Variants in NPL observed in about 807,000 individuals in gnomAD.
The protein encoded by NPL is N-acetylneuraminate pyruvate lyase.
NPL carries 32 observed loss-of-function variants against 41.1 expected under a neutral mutation model. That is an observed-to-expected ratio of 0.78 (90% CI 0.59 to 1.05). NPL has a LOEUF of 1.05. Among genes scored for constraint, NPL ranks in the 50% least tolerant of loss-of-function variants. The probability of loss-of-function intolerance (pLI) is 0.00; values close to 1 mark genes in which losing one functional copy is unlikely to be tolerated. For missense variants in NPL, 321 were observed against 378.4 expected (o/e 0.85, Z 1.26); for synonymous variants, 128 against 134.9 (o/e 0.95, Z 0.35).
At chr1:182,820,770 C>T (rs1261451816) in intron 10 of NPL, among the ~76,000 whole-genome samples, 1 of 152,160 alleles carries the variant, frequency 6.6e-6, no homozygotes, top group East Asian at 1.9e-4. Context: ...TGTGTTAAAC[C>T]ATGAGAAACT....
At chr1:182,802,055 AT>A (rs1196550426) in intron 3 of NPL, among the ~76,000 whole-genome samples, 1 of 152,224 alleles carries the variant, frequency 6.6e-6, no homozygotes, top group East Asian at 1.9e-4. Context: ...TCAAAATATT[AT>A]GCAAGCGTGG....
At chr1:182,826,937 T>G (rs934699500) in intron 12 of NPL, 1 of 152,194 alleles carries the variant, frequency 6.6e-6, no homozygotes, top group African/African-American at 2.4e-5. Context: ...ATTTATAAAT[T>G]AGGCATAGTA....
At position 182,828,994 on chromosome 1, in the gene NPL, C is replaced by T; in HGVS notation, c.*86C>T. 1 of 1,597,848 alleles carries T rather than the reference C, an allele frequency of 6.3e-7. No homozygotes were observed. Among genetic ancestry groups the T allele is most frequent in the Non-Finnish European group, 8.5e-7 (1 of 1,177,218 alleles). ...TTTTTCTCAGGGAATTTTAGATGAA[C>T]TTGAATAAACTCTCCTAGCAAATGA... On this transcript the variant is annotated 3_prime_UTR_variant, in exon 13 of 13. Coordinates refer to ENST00000367553, the MANE Select transcript of NPL (RefSeq NM_030769.3). This position sits in a 1 kb window ranked among gnomAD's most constrained non-coding sequence, Gnocchi z 4.0.
At chr1:182,810,134 C>G (rs1667134183) in intron 5 of NPL, among the ~76,000 whole-genome samples, 1 of 152,158 alleles carries the variant, frequency 6.6e-6, no homozygotes, top group Non-Finnish European at 1.5e-5. Flanking sequence ...TGTGGTGTCT[C>G]TGTCTCATGA....
chr1:182,794,991 G>A (rs752974447), intron 3 of NPL, among the ~76,000 whole-genome samples: 7 of 152,148 alleles, frequency 4.6e-5, no homozygotes, highest in Non-Finnish European at 8.8e-5. Flanking sequence ...GTTGGGCAGC[G>A]GGGGAAGGGA....
intron 11 of NPL, among the ~76,000 whole-genome samples, chr1:182,823,460 T>C (rs1389333601): frequency 6.6e-6 from 1 of 152,192 alleles, no homozygotes; most frequent in Non-Finnish European, 1.5e-5. Flanking sequence ...AAATACCATA[T>C]GTAATATTCG....
intron 11 of NPL, among the ~76,000 whole-genome samples, chr1:182,822,971 C>T (rs1232066082): frequency 6.6e-6 from 1 of 152,210 alleles, no homozygotes; most frequent in Non-Finnish European, 1.5e-5. Flanking sequence ...TGGGCTCAAG[C>T]AGTCCTCCCG....
At position 182,798,744 on chromosome 1, in the gene NPL, C is replaced by T. The variant is rs577550209; in HGVS notation, c.68+4305C>T. Among the ~76,000 whole-genome samples the T allele has an allele frequency of 3.3e-5, 5 of 152,344 alleles. No homozygotes were observed. In the East Asian group the frequency reaches 9.6e-4, roughly 29 times the overall value. On this transcript the variant is annotated intron_variant, in intron 3 of 12. Transcript: ENST00000367553. ...GAGGAAAGGCCTGGCCTGCTAGAGTCAGACTGGCATAGATTATTGTCTTTT... is the reference window on the plus strand; with the variant it reads ...GAGGAAAGGCCTGGCCTGCTAGAGTTAGACTGGCATAGATTATTGTCTTTT...
intron 5 of NPL, chr1:182,809,744 C>T (rs1186484362): frequency 1.3e-5 from 2 of 152,032 alleles, no homozygotes; most frequent in Non-Finnish European, 1.5e-5. Context: ...TTTGGAGTAG[C>T]CACTCCAGAG....
At position 182,822,032 on chromosome 1, in the gene NPL, C is replaced by A. The variant is rs1243442041; in HGVS notation, c.654-83C>A. On this transcript the variant is annotated intron_variant, in intron 10 of 12. Coordinates refer to ENST00000367553, the MANE Select transcript of NPL (RefSeq NM_030769.3). ...TAGGAGGACTAGGTGTATTTTTTCCCTTTTAAACAGCAGAGGGATTTGAAG... is the reference window on the plus strand; with the variant it reads ...TAGGAGGACTAGGTGTATTTTTTCCATTTTAAACAGCAGAGGGATTTGAAG... The A allele has an allele frequency of 5.3e-6, 5 of 936,284 alleles. No individual in the cohort carries two copies. The African/African-American group carries it at 8.1e-5, about 15-fold the overall frequency. The allele number at this position is 936,284 out of a possible 1,614,324, so 58.0% of individuals were successfully genotyped here.
intron 3 of NPL, among the ~76,000 whole-genome samples, chr1:182,796,989 C>T (rs928061959): frequency 6.8e-6 from 1 of 148,062 alleles, no homozygotes; most frequent in African/African-American, 2.5e-5. Flanking sequence ...GAGCCAAGAT[C>T]ATTCCACTGC....
Position 182,828,822 on chromosome 1 carries a change from A to C in NPL, c.877A>C (p.Thr293Pro). The change falls in exon 13 of 13, where the codon ACT (threonine) becomes CCT (proline). Residue 293 changes from threonine to proline, a missense_variant. Coordinates refer to ENST00000367553, the MANE Select transcript of NPL (RefSeq NM_030769.3). This position sits in a 1 kb window ranked among gnomAD's most constrained non-coding sequence, Gnocchi z 4.0. ...ACTGCAGAAAGCCTCCAGGGAGTTTACTGATAGTGCTGAAGCTAAACTGAA... is the reference window on the plus strand; with the variant it reads ...ACTGCAGAAAGCCTCCAGGGAGTTTCCTGATAGTGCTGAAGCTAAACTGAA... ...LPLQKASREF[T>P]DSAEAKLKSL... 1.2e-6 allele frequency: 2 copies of C among 1,614,196 alleles called. No individual in the cohort carries two copies. The highest frequency in any genetic ancestry group is 1.7e-6 in the Non-Finnish European group (2 of 1,180,046).
chr1:182,808,170 A>G (rs1557945851), intron 5 of NPL, among the ~76,000 whole-genome samples: 1 of 152,364 alleles, frequency 6.6e-6, no homozygotes, highest in East Asian at 1.9e-4. Flanking sequence ...TATCTCACTT[A>G]TGAGGTTGTA....
At chr1:182,798,327 A>G (rs1327503468) in intron 3 of NPL, among the ~76,000 whole-genome samples, 1 of 149,956 alleles carries the variant, frequency 6.7e-6, no homozygotes, top group Non-Finnish European at 1.5e-5. Context: ...TCCCAAGCTC[A>G]AGTGATTCTC....
intron 3 of NPL, among the ~76,000 whole-genome samples, chr1:182,797,053 C>G (rs1237530581): frequency 7.3e-5 from 10 of 136,996 alleles, no homozygotes; most frequent in Admixed American, 6.4e-4. Context: ...AAAAAAAAAG[C>G]TCTTTCATAT....
At position 182,828,861 on chromosome 1, in the gene NPL, C is replaced by G. The variant is rs1386216321; in HGVS notation, c.916C>G (p.Leu306Val). The change falls in exon 13 of 13, where the codon CTT (leucine) becomes GTT (valine). Residue 306 changes from leucine to valine, a missense_variant. By Grantham distance (32) the Leu-to-Val change is conservative. Coordinates refer to ENST00000367553, the MANE Select transcript of NPL (RefSeq NM_030769.3). This position sits in a 1 kb window ranked among gnomAD's most constrained non-coding sequence, Gnocchi z 4.0. ...AGCTAAACTGAAGAGCCTGGATTTC[C>G]TTTCTTTCACTGATTTAAAGGATGG... ...AEAKLKSLDF[L>V]SFTDLKDGNL... 6.2e-7 allele frequency: 1 copy of G among 1,614,168 alleles called. No homozygotes were observed. The highest frequency in any genetic ancestry group is 1.6e-4 in the Middle Eastern group (1 of 6,062).
chr1:182,809,161 A>T (rs1322864480), intron 5 of NPL: 2 of 420,038 alleles, frequency 4.8e-6, no homozygotes, highest in East Asian at 1.5e-4. Flanking sequence ...AGGGAGTGTA[A>T]TGATGCTTTC....
At chr1:182,794,876 G>T (rs1187262430) in intron 3 of NPL, among the ~76,000 whole-genome samples, 1 of 152,212 alleles carries the variant, frequency 6.6e-6, no homozygotes, top group Non-Finnish European at 1.5e-5. Context: ...ACTTCAGGCT[G>T]TTCATAGACT....
chr1:182,804,341 T>G (rs1247296145), intron 4 of NPL, among the ~76,000 whole-genome samples: 1 of 152,190 alleles, frequency 6.6e-6, no homozygotes, highest in Non-Finnish European at 1.5e-5. Context: ...TTGGACAGGC[T>G]GGTCTCGAAC....
Sources: allele counts gnomAD v4.1 joint callset (sites outside exome capture counted in the v4.1 genomes callset), GRCh38; gene constraint gnomAD v4.1.1; non-coding constraint Gnocchi (gnomAD v3.1); transcripts MANE v1.5; gene names NCBI Gene and HGNC (gene_info 2026-07-23, HGNC 2026-07-21).